The following MVK variants were observed in gnomAD, a reference collection of about 807,000 sequenced individuals.
MVK encodes LH receptor mRNA-binding protein.
A neutral mutation model predicts 43.2 loss-of-function variants in MVK; 34 were observed. The ratio of observed to expected loss-of-function variants is 0.79; its 90% CI spans 0.60 to 1.05. The LOEUF (loss-of-function observed/expected upper bound fraction) is 1.05. Ranked by LOEUF, MVK falls within the 50% of genes least tolerant of loss-of-function variation. The pLI is 0.00. For synonymous variants in MVK, 190 were observed against 219.8 expected, an observed-to-expected ratio of 0.86 and a Z score of 1.20; for missense variants, 395 against 504.0, an observed-to-expected ratio of 0.78 and a Z score of 2.07.
At chr12:109,577,963 G>A (rs1043671342) in intron 3 of MVK, among the ~76,000 whole-genome samples, 6 of 152,194 alleles carry the variant, frequency 3.9e-5, no homozygotes, top group African/African-American at 1.4e-4. Context: ...AGTAGCTTGG[G>A]GTGGAAGCAG....
intron 3 of MVK, among the ~76,000 whole-genome samples, chr12:109,576,910 T>G (rs989665653): frequency 6.6e-6 from 1 of 152,088 alleles, no homozygotes; most frequent in Admixed American, 6.5e-5. Context: ...ACAAGTTACC[T>G]ATGCTTATTA....
At position 109,581,504 on chromosome 12, in the gene MVK, T is replaced by C. The variant is rs1885216065; in HGVS notation, c.481T>C (p.Cys161Arg). 6.2e-7 allele frequency: 1 copy of C among 1,614,202 alleles called. No homozygotes were observed. The highest frequency in any genetic ancestry group is 8.5e-7 in the Non-Finnish European group (1 of 1,180,020). The change falls in exon 5 of 11, where the codon TGC becomes CGC. Residue 161 changes from cysteine (C) to arginine (R), a missense_variant. Coordinates refer to ENST00000228510, the MANE Select transcript of MVK (RefSeq NM_000431.4). ...VCLAAALLTV[C>R]EEIPNPLKDG... ...TCTGGCAGCAGCCCTCCTGACTGTG[T>C]GCGAGGAGATCCCAAACCCGCTGAA...
intron 7 of MVK, chr12:109,589,452 CCT>C (rs1431513475): frequency 2.6e-5 from 4 of 152,136 alleles, no homozygotes; most frequent in Non-Finnish European, 5.9e-5. Flanking sequence ...ATGCGTGGTG[CCT>C]CTCTGTAAAG....
At chr12:109,574,195 A>G (rs1294597001) in intron 1 of MVK, among the ~76,000 whole-genome samples, 1 of 152,134 alleles carries the variant, frequency 6.6e-6, no homozygotes, top group Non-Finnish European at 1.5e-5. Context: ...AATTGCACAC[A>G]CCTATAGACC....
chr12:109,586,587 C>T (rs1046338622), intron 6 of MVK, among the ~76,000 whole-genome samples, 167 bp from the exon 7 acceptor site: 2 of 152,204 alleles, frequency 1.3e-5, no homozygotes, highest in Non-Finnish European at 2.9e-5. Flanking sequence ...GCTTCGGGGA[C>T]CTTTTGCCCT....
At chr12:109,590,594 A>G (rs181091196) in intron 7 of MVK, 177 bp from the exon 8 acceptor site, 8 of 665,484 alleles carry the variant, frequency 1.2e-5, no homozygotes, top group Admixed American at 2.1e-5. Flanking sequence ...AGTGCCTGGG[A>G]TGGAGGCGCA....
At chr12:109,586,635 A>C in intron 6 of MVK, 119 bp from the exon 7 acceptor site, 1 of 1,093,868 alleles carries the variant, frequency 9.1e-7, no homozygotes. Flanking sequence ...CTGACTCATT[A>C]CTTAGCCTCT....
At chr12:109,578,211 C>G (rs1284463779) in intron 3 of MVK, among the ~76,000 whole-genome samples, 1 of 152,028 alleles carries the variant, frequency 6.6e-6, no homozygotes, top group Non-Finnish European at 1.5e-5. Flanking sequence ...CAAAGATCTA[C>G]CATCTTTCTT....
At chr12:109,590,976 G>T in intron 8 of MVK, 115 bp downstream of exon 8, 1 of 1,155,484 alleles carries the variant, frequency 8.7e-7, no homozygotes, top group Non-Finnish European at 1.3e-6. Context: ...GGGTGGTGGG[G>T]GCCCTTAGGG....
rs191972602 is a variant in MVK at position 109,592,254 on chromosome 12, C to T, written c.885+897C>T. Reference sequence around the variant, plus strand: ...AATGCTTGGAGTCTCATGGGTGACACGCAAGCACAATGTCTGGTGTGCTAT... The same window carrying T: ...AATGCTTGGAGTCTCATGGGTGACATGCAAGCACAATGTCTGGTGTGCTAT... On this transcript the variant is annotated intron_variant, in intron 9 of 10. Transcript: ENST00000228510. 1.1e-4 allele frequency among the ~76,000 whole-genome samples: 17 copies of T among 152,354 alleles called. No homozygotes were observed. In the East Asian group the frequency reaches 2.5e-3, roughly 22 times the overall value.
intron 4 of MVK, 86 bp from the exon 5 acceptor site, chr12:109,581,309 G>C: frequency 6.4e-7 from 1 of 1,566,962 alleles, no homozygotes; most frequent in South Asian, 1.1e-5. Flanking sequence ...GATGCTTGGA[G>C]TCAGGCCTGG....
In MVK at chr12:109,574,802, CT is replaced by C; in HGVS notation, c.-14-3del. The C allele has an allele frequency of 6.3e-7, 1 of 1,582,204 alleles. No homozygotes were observed. Among genetic ancestry groups the C allele is most frequent in the African/African-American group, 1.3e-5 (1 of 74,520 alleles). On this transcript the variant is annotated splice_region_variant and splice_polypyrimidine_tract_variant and intron_variant, in intron 1 of 10. Coordinates refer to ENST00000228510, the MANE Select transcript of MVK (RefSeq NM_000431.4). ...TCTTTGCTCTTCTCATTGGCTTTCC[CT>C]TTTAGGATTCCCAGGAGCCATGTTG...
intron 3 of MVK, among the ~76,000 whole-genome samples, chr12:109,577,970 G>A (rs773027106): frequency 2.6e-5 from 4 of 152,192 alleles, no homozygotes; most frequent in Non-Finnish European, 5.9e-5. Context: ...TGGGGTGGAA[G>A]CAGCCAGGTA....
intron 3 of MVK, among the ~76,000 whole-genome samples, chr12:109,578,384 A>G (rs1307023794): frequency 2.0e-5 from 3 of 151,634 alleles, no homozygotes; most frequent in African/African-American, 7.3e-5. Flanking sequence ...AGCACATACC[A>G]CTGCACCGTG....
intron 2 of MVK, 99 bp from the exon 3 acceptor site, chr12:109,575,899 G>A: frequency 7.1e-7 from 1 of 1,412,762 alleles, no homozygotes; most frequent in Non-Finnish European, 9.9e-7. Flanking sequence ...ATGGCTAGGA[G>A]TGGCCTCTGT....
chr12:109,581,937 A>C (rs1436846419), intron 5 of MVK, among the ~76,000 whole-genome samples: 3 of 152,240 alleles, frequency 2.0e-5, no homozygotes, highest in African/African-American at 7.2e-5. Context: ...CTGTATGGTA[A>C]TGACAGTGCC....
rs886097605 is a variant in MVK at position 109,596,274 on chromosome 12, T to C, written c.1040-152T>C. On this transcript the variant is annotated intron_variant, in intron 10 of 10. Transcript: ENST00000228510. ...TGGGCATTCCAGTGCACGGAGGGGC[T>C]GCAGGTAACCTTGGGCTTTATGGCC... 4 of 1,107,466 alleles carry C rather than the reference T, an allele frequency of 3.6e-6. No homozygotes were observed. The Admixed American group carries it at 8.0e-5, about 22-fold the overall frequency. 68.6% of individuals were successfully genotyped at this position (1,107,466 alleles called of 1,614,324 possible). A position where few individuals can be genotyped will look rare whatever the true frequency, so the allele number is the denominator to read the frequency against.
Position 109,595,517 on chromosome 12 carries a change from C to T in MVK, c.1039+336C>T, listed in dbSNP as rs1341795084. ...TTGTCACTCTCCACGTCTGCCTAAC[C>T]TTGCCCCACTTGTACCCTTGATGTG... is the stretch of plus-strand genomic sequence containing the variant. On this transcript the variant is annotated intron_variant, in intron 10 of 10. Transcript: ENST00000228510. This position sits in a 1 kb window ranked among gnomAD's most constrained non-coding sequence, Gnocchi z 5.9. Among the ~76,000 whole-genome samples the T allele has an allele frequency of 1.3e-5, 2 of 152,150 alleles. No individual in the cohort carries two copies. Among genetic ancestry groups the T allele is most frequent in the African/African-American group, 2.4e-5 (1 of 41,434 alleles).
intron 9 of MVK, among the ~76,000 whole-genome samples, chr12:109,593,310 G>C (rs932693076): frequency 6.6e-6 from 1 of 152,242 alleles, no homozygotes; most frequent in Non-Finnish European, 1.5e-5. Context: ...CGAGGTATGA[G>C]GCAGGCTGTT....
Sources: allele counts gnomAD v4.1 joint callset (sites outside exome capture counted in the v4.1 genomes callset), GRCh38; gene constraint gnomAD v4.1.1; non-coding constraint Gnocchi (gnomAD v3.1); transcripts MANE v1.5; gene names NCBI Gene and HGNC (gene_info 2026-07-23, HGNC 2026-07-21).